PCDH15: variants seen among roughly 807,000 people sequenced by gnomAD.
PCDH15 encodes the protein protocadherin-15.
PCDH15 carries 129 observed loss-of-function variants against 178.5 expected under a neutral mutation model. That is an observed-to-expected ratio of 0.72 (90% confidence interval 0.63 to 0.84). The LOEUF (loss-of-function observed/expected upper bound fraction) is 0.84. Among genes scored for constraint, PCDH15 ranks in the 40% least tolerant of loss-of-function variants. The pLI, the probability that PCDH15 is intolerant of heterozygous loss-of-function variation, is 0.00. For missense variants in PCDH15, 2,230 were observed against 2,099.9 expected (o/e 1.06, Z -1.21); for synonymous variants, 800 against 732.0 (o/e 1.09, Z -1.50).
chr10:53,925,679 T>C (rs2084475422), intron 25 of PCDH15, among the ~76,000 whole-genome samples: 2 of 152,224 alleles, frequency 1.3e-5, no homozygotes, highest in South Asian at 4.1e-4. Context: ...TGTTTGCCTT[T>C]ATTTCCATAT....
chr10:55,321,819 T>C (rs1843910365), upstream of PCDH15, among the ~76,000 whole-genome samples: 1 of 152,184 alleles, frequency 6.6e-6, no homozygotes, highest in Non-Finnish European at 1.5e-5. Flanking sequence ...AGAAATTCAT[T>C]ACAACCAGAC....
At chr10:54,005,382 G>T (rs914330015) in intron 20 of PCDH15, among the ~76,000 whole-genome samples, 1 of 151,920 alleles carries the variant, frequency 6.6e-6, no homozygotes, top group Non-Finnish European at 1.5e-5. Context: ...CAACCCACAG[G>T]GTGAGCGCAA....
In PCDH15 at chr10:54,457,120, A is replaced by G. The variant is rs532838792; in HGVS notation, c.157+70692T>C. Reference sequence around the variant, plus strand: ...AAGGTAAGAGAGTAGTGTAGTATAAATCAGCCTTGCTAAGACTTCTATAAA... The same window carrying G: ...AAGGTAAGAGAGTAGTGTAGTATAAGTCAGCCTTGCTAAGACTTCTATAAA... On this transcript the variant is annotated intron_variant, in intron 3 of 37. Transcript: ENST00000644397. Among the ~76,000 whole-genome samples the G allele has an allele frequency of 4.6e-5, 7 of 152,272 alleles. No individual in the cohort carries two copies. In the East Asian group the frequency reaches 1.2e-3, roughly 25 times the overall value.
chr10:54,356,803 T>A (rs1945061055), intron 5 of PCDH15, among the ~76,000 whole-genome samples: 1 of 152,090 alleles, frequency 6.6e-6, no homozygotes, highest in Non-Finnish European at 1.5e-5. Context: ...GGTAAAAAGC[T>A]TATCCACCAT....
At chr10:54,189,328 A>C (rs373204336) in intron 11 of PCDH15, 48 of 1,553,266 alleles carry the variant, frequency 3.1e-5, no homozygotes, top group Non-Finnish European at 3.9e-5. Context: ...AGCAATTAAC[A>C]AAAGAACAAT....
At chr10:53,913,368 A>C (rs1169738181) in intron 25 of PCDH15, among the ~76,000 whole-genome samples, 3 of 152,170 alleles carry the variant, frequency 2.0e-5, no homozygotes, top group Admixed American at 1.3e-4. Flanking sequence ...ACCACTGAGG[A>C]CTTAGGCATG....
intron 3 of PCDH15, among the ~76,000 whole-genome samples, chr10:54,868,824 C>T (rs1953984791): frequency 6.6e-6 from 1 of 151,702 alleles, no homozygotes; most frequent in East Asian, 1.9e-4. Flanking sequence ...TGATCATTAG[C>T]AAAAGTCTGC....
intron 2 of PCDH15, among the ~76,000 whole-genome samples, chr10:55,064,384 C>T (rs11004719): frequency 0.062 from 9,389 of 152,180 alleles, 406 homozygotes; most frequent in African/African-American, 0.11. Context: ...TGCTACCTTT[C>T]CTTTCAGCCA....
intron 2 of PCDH15, among the ~76,000 whole-genome samples, chr10:55,492,780 A>T (rs1840446626): frequency 6.6e-6 from 1 of 151,990 alleles, no homozygotes; most frequent in South Asian, 2.1e-4. Context: ...AGATATGTTC[A>T]AATAATTAAA....
At chr10:53,987,437 G>T (rs564964442) in intron 21 of PCDH15, among the ~76,000 whole-genome samples, 1 of 152,134 alleles carries the variant, frequency 6.6e-6, no homozygotes, top group African/African-American at 2.4e-5. Context: ...TATAAAAGGA[G>T]TGTTGCACGT....
At chr10:55,543,692 G>C (rs187519281) in intron 2 of PCDH15, among the ~76,000 whole-genome samples, 1 of 150,782 alleles carries the variant, frequency 6.6e-6, no homozygotes. Context: ...ACATTTTACA[G>C]ACCAGAAAAA....
chr10:55,015,883 C>T (rs955418402), intron 2 of PCDH15, among the ~76,000 whole-genome samples: 1 of 151,880 alleles, frequency 6.6e-6, no homozygotes, highest in African/African-American at 2.4e-5. Context: ...TTTTCAGAAC[C>T]CACAGGAGAT....
At chr10:55,292,186 C>CA (rs1843024063) in intron 1 of PCDH15, among the ~76,000 whole-genome samples, 1 of 152,118 alleles carries the variant, frequency 6.6e-6, no homozygotes, top group South Asian at 2.1e-4. Flanking sequence ...TGAGACAAGG[C>CA]AAGTCCCTTC....
intron 2 of PCDH15, among the ~76,000 whole-genome samples, chr10:55,165,885 T>C (rs925604809): frequency 6.6e-6 from 1 of 152,152 alleles, no homozygotes; most frequent in African/African-American, 2.4e-5. Context: ...ATTATTCTAT[T>C]TCTGTACCTT....
At chr10:55,463,592 C>T (rs1300156587) in intron 2 of PCDH15, among the ~76,000 whole-genome samples, 2 of 152,018 alleles carry the variant, frequency 1.3e-5, no homozygotes, top group Non-Finnish European at 2.9e-5. Flanking sequence ...CCAGTAGGTG[C>T]AGGCTGCAGT....
chr10:55,293,163 A>G (rs1228006659), intron 1 of PCDH15, among the ~76,000 whole-genome samples: 1 of 152,120 alleles, frequency 6.6e-6, no homozygotes, highest in Admixed American at 6.5e-5. Context: ...GGAGCTGCCA[A>G]GGCTTGGGTT....
chr10:55,143,090 C>G (rs977086660), intron 2 of PCDH15, among the ~76,000 whole-genome samples: 2 of 152,106 alleles, frequency 1.3e-5, no homozygotes, highest in African/African-American at 4.8e-5. Flanking sequence ...CGCTCGCGCT[C>G]TCTCTCTCTC....
At chr10:54,000,122 T>C (rs2092056514) in intron 20 of PCDH15, among the ~76,000 whole-genome samples, 1 of 152,214 alleles carries the variant, frequency 6.6e-6, no homozygotes, top group Non-Finnish European at 1.5e-5. Context: ...AGAACCACAG[T>C]GTTACTGGGC....
At chr10:54,344,825 T>C (rs2795930) in intron 6 of PCDH15, among the ~76,000 whole-genome samples, 47,907 of 147,646 alleles carry the variant, frequency 0.32, 8,819 homozygotes, top group African/African-American at 0.51. Context: ...TGTCCTTCTC[T>C]GTCACATTCT....
Sources: gnomAD v4.1 joint callset for allele counts (sites outside exome capture counted in the v4.1 genomes callset) on GRCh38, gnomAD v4.1.1 for gene constraint, MANE v1.5 for transcripts, NCBI Gene and HGNC (gene_info 2026-07-23, HGNC 2026-07-21) for gene names.